The following PITPNC1 variants were observed in gnomAD, a reference collection of about 807,000 sequenced individuals.
PITPNC1 encodes the protein cytoplasmic phosphatidylinositol transfer protein 1.
Under a neutral mutation model 44.7 loss-of-function variants are expected in PITPNC1, and 18 were observed. The ratio of observed to expected loss-of-function variants is 0.40; its 90% confidence interval spans 0.28 to 0.60. The LOEUF (loss-of-function observed/expected upper bound fraction) is 0.60, where lower values mean the gene tolerates loss of function less well. Ranked by LOEUF, PITPNC1 falls within the 20% of genes least tolerant of loss-of-function variation. The pLI, the probability that PITPNC1 is intolerant of heterozygous loss-of-function variation, is 0.39. For missense variants in PITPNC1, 290 were observed against 418.4 expected (o/e 0.69, Z 2.68); for synonymous variants, 141 against 149.6 (o/e 0.94, Z 0.42).
intron 5 of PITPNC1, among the ~76,000 whole-genome samples, chr17:67,624,209 C>CTTTTTT (rs1567745177): frequency 3.5e-5 from 3 of 84,818 alleles, no homozygotes; most frequent in African/African-American, 1.1e-4. Flanking sequence ...TTCTTTCTTT[C>CTTTTTT]TTTTCTTTTT....
chr17:67,653,054 G>A (rs1417295324), intron 6 of PITPNC1, among the ~76,000 whole-genome samples: 1 of 152,168 alleles, frequency 6.6e-6, no homozygotes, highest in Non-Finnish European at 1.5e-5. Flanking sequence ...GGTCAACGCA[G>A]GCGGATCTCT....
At chr17:67,454,780 T>C (rs2039231411) in intron 1 of PITPNC1, among the ~76,000 whole-genome samples, 1 of 151,950 alleles carries the variant, frequency 6.6e-6, no homozygotes, top group South Asian at 2.1e-4. Context: ...TTCCAGACAA[T>C]TGTGTACATA....
At chr17:67,513,353 GTATCTATATCTA>G (rs66547837) in intron 1 of PITPNC1, among the ~76,000 whole-genome samples, 62,905 of 139,004 alleles carry the variant, frequency 0.45, 14,850 homozygotes, top group Admixed American at 0.57. Flanking sequence ...GGAAGAGTCT[GTATCTATATCTA>G]TATCTATATC....
chr17:67,378,644 C>T (rs1486058456), intron 1 of PITPNC1, among the ~76,000 whole-genome samples: 1 of 152,144 alleles, frequency 6.6e-6, no homozygotes. Flanking sequence ...CCTGCGCCCT[C>T]GGGATCTGCA....
chr17:67,606,216 A>ATAAG (rs113381889), intron 5 of PITPNC1, among the ~76,000 whole-genome samples: 8 of 152,380 alleles, frequency 5.3e-5, no homozygotes, highest in African/African-American at 1.7e-4. Context: ...TATGTCTTAC[A>ATAAG]TAAGTCATGA....
intron 6 of PITPNC1, among the ~76,000 whole-genome samples, chr17:67,645,840 C>G (rs753268859): frequency 3.3e-5 from 5 of 152,174 alleles, no homozygotes; most frequent in Non-Finnish European, 7.3e-5. Context: ...CCCAAAGACT[C>G]TAGGCCGGCT....
intron 6 of PITPNC1, among the ~76,000 whole-genome samples, chr17:67,664,493 A>C (rs2042394167): frequency 6.6e-6 from 1 of 152,160 alleles, no homozygotes; most frequent in African/African-American, 2.4e-5. Flanking sequence ...TTTTAATGAT[A>C]GCCATTCTGG....
At chr17:67,672,824 T>A (rs1380643132) in intron 7 of PITPNC1, among the ~76,000 whole-genome samples, 2 of 152,132 alleles carry the variant, frequency 1.3e-5, no homozygotes, top group Non-Finnish European at 1.5e-5. Context: ...AATGAGTATC[T>A]GAGGCTAGCA....
intron 5 of PITPNC1, among the ~76,000 whole-genome samples, chr17:67,579,621 T>TTTTTC (rs1568049817): frequency 8.1e-6 from 1 of 123,648 alleles, no homozygotes; most frequent in South Asian, 3.3e-4. Context: ...GTGATTTTTT[T>TTTTTC]TTTTTTTTTT....
intron 1 of PITPNC1, among the ~76,000 whole-genome samples, chr17:67,499,388 T>A (rs963042894): frequency 1.3e-4 from 20 of 151,894 alleles, no homozygotes; most frequent in Non-Finnish European, 2.1e-4. Flanking sequence ...GTAATTTTTT[T>A]ATTTTTTTGT....
At chr17:67,667,121 G>C (rs1465727415) in intron 6 of PITPNC1, among the ~76,000 whole-genome samples, 1 of 152,186 alleles carries the variant, frequency 6.6e-6, no homozygotes. Flanking sequence ...TCCGCTGTGT[G>C]CTGTGAGGTT....
intron 5 of PITPNC1, among the ~76,000 whole-genome samples, chr17:67,583,654 G>T (rs1351449478): frequency 6.6e-6 from 1 of 151,046 alleles, no homozygotes; most frequent in Non-Finnish European, 1.5e-5. Flanking sequence ...CAGCCCTGGG[G>T]ATTCTGATTT....
rs114507072 is a variant in PITPNC1, at chr17:67,550,273, G to A, written c.198-1984G>A. Reference sequence around the variant, plus strand: ...CCTCAGAGCCCGCCTAAGAGCAGGGGCCTTCATCTGACACTCACTCCACTT... The same window carrying A: ...CCTCAGAGCCCGCCTAAGAGCAGGGACCTTCATCTGACACTCACTCCACTT... On this transcript the variant is annotated intron_variant, in intron 2 of 8. Transcript: ENST00000581322. Among the ~76,000 whole-genome samples the A allele has an allele frequency of 4.9e-3, 740 of 152,138 alleles. 8 individuals are homozygous for A. Among genetic ancestry groups the A allele is most frequent in the African/African-American group, 0.017 (697 of 41,534 alleles).
At chr17:67,658,530 G>A (rs929182635) in intron 6 of PITPNC1, among the ~76,000 whole-genome samples, 12 of 152,236 alleles carry the variant, frequency 7.9e-5, no homozygotes, top group Middle Eastern at 3.4e-3. Context: ...CTGAGAGCTT[G>A]CCTTTCGCAT....
intron 1 of PITPNC1, among the ~76,000 whole-genome samples, chr17:67,402,812 GCC>G (rs2038337908): frequency 3.9e-5 from 6 of 152,012 alleles, no homozygotes; most frequent in African/African-American, 1.4e-4. Flanking sequence ...GATTACAGGT[GCC>G]CACCACCATG....
At chr17:67,468,415 T>C (rs1483546484) in intron 1 of PITPNC1, among the ~76,000 whole-genome samples, 3 of 149,832 alleles carry the variant, frequency 2.0e-5, no homozygotes, top group African/African-American at 7.3e-5. Flanking sequence ...TTTTTTTTTT[T>C]TTTTGAGATG....
intron 4 of PITPNC1, among the ~76,000 whole-genome samples, chr17:67,567,721 T>C (rs2040999625): frequency 6.6e-6 from 1 of 152,060 alleles, no homozygotes; most frequent in Admixed American, 6.6e-5. Context: ...ACACCTGTAA[T>C]CCCAGCACTT....
chr17:67,596,577 C>CTCGG (rs1038974043), intron 5 of PITPNC1, among the ~76,000 whole-genome samples: 23 of 152,072 alleles, frequency 1.5e-4, no homozygotes, highest in African/African-American at 5.6e-4. Context: ...GTGGCCCGAT[C>CTCGG]TCGGCTCACT....
Position 67,440,703 on chromosome 17 carries a change from T to G in PITPNC1, c.48+62501T>G, listed in dbSNP as rs527465292. ...ATGCACCGTCATGCCTGGCTGATTT[T>G]TTTTTTGAAAAAAAATTTTTTTTAT... On this transcript the variant is annotated intron_variant, in intron 1 of 8. Coordinates refer to ENST00000581322, the MANE Select transcript of PITPNC1 (RefSeq NM_012417.4). Among the ~76,000 whole-genome samples, 7 of 151,564 alleles carry G rather than the reference T, an allele frequency of 4.6e-5. No homozygotes were observed. The East Asian group carries it at 9.8e-4, about 21-fold the overall frequency.
Sources: gnomAD v4.1 joint callset for allele counts (sites outside exome capture counted in the v4.1 genomes callset) on GRCh38, gnomAD v4.1.1 for gene constraint, MANE v1.5 for transcripts, NCBI Gene and HGNC (gene_info 2026-07-23, HGNC 2026-07-21) for gene names.